The following RTEL1 variants were observed in gnomAD, a reference collection of about 807,000 sequenced individuals.
RTEL1 encodes regulator of telomere length.
Under a neutral mutation model 162.2 loss-of-function variants are expected in RTEL1, and 86 were observed. The observed-to-expected ratio is 0.53, with a 90% CI of 0.45 to 0.63. RTEL1 has a LOEUF of 0.63. Among genes scored for constraint, RTEL1 ranks in the 30% least tolerant of loss-of-function variants. RTEL1 has a pLI of 0.00. For missense variants in RTEL1, 1,941 were observed against 1,750.2 expected (o/e 1.11, Z -1.95); for synonymous variants, 958 against 717.9 (o/e 1.33, Z -5.35).
chr20:63,690,449 C>T lies in RTEL1; in HGVS notation c.2413+8C>T, dbSNP rs758975241. The T allele has an allele frequency of 3.9e-5, 32 of 821,346 alleles. No homozygotes were observed. The highest frequency in any genetic ancestry group is 2.7e-4 in the African/African-American group (15 of 54,772). The allele number at this position is 821,346 out of a possible 1,614,324, so 50.9% of individuals were successfully genotyped here. The stretch of plus-strand genomic sequence containing the variant: ...TGAAGCAGAGGTCCTCAGGTGCGGA[C>T]GGGCAGCGCTGGGTGGGCGGTGTGG... On this transcript the variant is annotated splice_region_variant and intron_variant, in intron 26 of 34. Coordinates refer to ENST00000360203, the MANE Select transcript of RTEL1 (RefSeq NM_001283009.2).
Position 63,690,306 on chromosome 20 carries a change from G to GC in RTEL1, c.2284dup (p.Arg762ProfsTer29). ...CATGGTTCTGCAGATGCCAGCGCCG[G>GC]CCCCCCGGGCTACAGCACCCAGTGT... On this transcript the variant is annotated frameshift_variant, in exon 26 of 35. Coordinates refer to ENST00000360203, the MANE Select transcript of RTEL1 (RefSeq NM_001283009.2). LOFTEE classifies it high-confidence loss of function. 6.2e-7 allele frequency: 1 copy of GC among 1,605,270 alleles called. No individual in the cohort carries two copies. The highest frequency in any genetic ancestry group is 8.5e-7 in the Non-Finnish European group (1 of 1,174,608).
chr20:63,688,787 C>A, intron 21 of RTEL1, 182 bp downstream of exon 21: 2 of 649,484 alleles, frequency 3.1e-6, no homozygotes, highest in African/African-American at 1.8e-5. Context: ...AAGCCCCCAG[C>A]ACCGGGTGGG....
At chr20:63,670,982 C>G (rs1377360696) in intron 8 of RTEL1, among the ~76,000 whole-genome samples, 1 of 152,180 alleles carries the variant, frequency 6.6e-6, no homozygotes, top group Non-Finnish European at 1.5e-5. Flanking sequence ...GGACTGTGGT[C>G]ACACAGCAGC....
At chr20:63,685,940 C>A in intron 16 of RTEL1, 68 bp downstream of exon 16, 1 of 1,459,796 alleles carries the variant, frequency 6.9e-7, no homozygotes, top group Non-Finnish European at 9.5e-7. Context: ...ATGCCACAGG[C>A]TAGGCACATG....
chr20:63,689,922 GC>G, intron 24 of RTEL1, 57 bp downstream of exon 24: 1 of 1,557,818 alleles, frequency 6.4e-7, no homozygotes. Flanking sequence ...ACCCCACTGG[GC>G]CCCTGGACTC....
chr20:63,693,056 G>C, intron 29 of RTEL1, 53 bp downstream of exon 29: 1 of 1,609,840 alleles, frequency 6.2e-7, no homozygotes, highest in South Asian at 1.1e-5. Flanking sequence ...GCCGCCGCGT[G>C]TGGGGTGGGG....
At chr20:63,670,760 A>T (rs6062485) in intron 8 of RTEL1, among the ~76,000 whole-genome samples, 38,080 of 150,976 alleles carry the variant, frequency 0.25, 5,388 homozygotes, top group South Asian at 0.36. Context: ...AGGCTGGGGG[A>T]TCGCTTAAGC....
chr20:63,658,401 A>G lies in RTEL1; in HGVS notation c.-236A>G, dbSNP rs915550940. On this transcript the variant is annotated 5_prime_UTR_variant, in exon 1 of 35. Transcript: ENST00000360203. ...AGCTGGGGACGGGTGGCGGCCCTCG[A>G]CTGGAGTCGGTTGAGTTCCTGAGGG... is the stretch of plus-strand genomic sequence containing the variant. 2.6e-5 allele frequency: 4 copies of G among 152,494 alleles called. No homozygotes were observed. The highest frequency in any genetic ancestry group is 7.2e-5 in the African/African-American group (3 of 41,466). The allele number at this position is 152,494 out of a possible 1,614,324, so 9.4% of individuals were successfully genotyped here.
chr20:63,690,759 C>G, intron 26 of RTEL1, 46 bp from the exon 27 acceptor site: 1 of 1,552,436 alleles, frequency 6.4e-7, no homozygotes. Context: ...GGGACCCCAG[C>G]TGGGGCCCCC....
In RTEL1 at chr20:63,692,801, G is replaced by A. The variant is rs570675905; in HGVS notation, c.2653-4G>A. On this transcript the variant is annotated splice_polypyrimidine_tract_variant and splice_region_variant and intron_variant, in intron 28 of 34. Coordinates refer to ENST00000360203, the MANE Select transcript of RTEL1 (RefSeq NM_001283009.2). The stretch of plus-strand genomic sequence containing the variant: ...TGATGGAGCCTCGGGCCTGTGTCCT[G>A]CAGGAGGAGCCCGTGGCTGGTGCAC... 6.2e-7 allele frequency: 1 copy of A among 1,609,320 alleles called. No individual in the cohort carries two copies. The highest frequency in any genetic ancestry group is 1.3e-5 in the African/African-American group (1 of 74,972).
chr20:63,682,411 T>A, intron 14 of RTEL1: 1 of 973,004 alleles, frequency 1.0e-6, no homozygotes, highest in Non-Finnish European at 1.2e-6. Flanking sequence ...CCTCCCAGCC[T>A]CCCACTTAAG....
chr20:63,690,298 C>T lies in RTEL1; in HGVS notation c.2270C>T (p.Pro757Leu), dbSNP rs2090704109. 1.9e-6 allele frequency: 3 copies of T among 1,605,008 alleles called. No individual in the cohort carries two copies. The highest frequency in any genetic ancestry group is 2.6e-6 in the Non-Finnish European group (3 of 1,174,214). ...CCCACCCCCATGGTTCTGCAGATGCCAGCGCCGGCCCCCCGGGCTACAGCA... is the reference window on the plus strand; with the variant it reads ...CCCACCCCCATGGTTCTGCAGATGCTAGCGCCGGCCCCCCGGGCTACAGCA... ...QFFRVAERTM[P>L]APAPRATAPS... is the part of the protein sequence containing the mutation. The change falls in exon 26 of 35, where the codon CCA (proline) becomes CTA (leucine). Residue 757 changes from proline (P) to leucine (L), a missense_variant. Pro to Leu is a moderately conservative substitution (Grantham distance 98, BLOSUM62 -3). Coordinates refer to ENST00000360203, the MANE Select transcript of RTEL1 (RefSeq NM_001283009.2).
intron 30 of RTEL1, 21 bp downstream of exon 30, chr20:63,693,304 G>A (rs766667128): frequency 1.9e-6 from 3 of 1,610,634 alleles, no homozygotes; most frequent in East Asian, 2.2e-5. Context: ...CCCCAGGTGG[G>A]ACCCTCAGAC....
intron 10 of RTEL1, among the ~76,000 whole-genome samples, chr20:63,675,845 C>A (rs532221198): frequency 6.6e-6 from 1 of 152,328 alleles, no homozygotes; most frequent in South Asian, 2.1e-4. Flanking sequence ...TGACAGGTCT[C>A]CTTCCCTCAT....
chr20:63,694,339 G>T, intron 30 of RTEL1, 33 bp from the exon 31 acceptor site: 1 of 1,291,206 alleles, frequency 7.7e-7, no homozygotes, highest in South Asian at 1.2e-5. Context: ...AGATGCTCTC[G>T]ACCAGCTTTG....
chr20:63,660,270 G>C (rs1365012294), intron 2 of RTEL1, among the ~76,000 whole-genome samples: 1 of 152,196 alleles, frequency 6.6e-6, no homozygotes, highest in Non-Finnish European at 1.5e-5. Flanking sequence ...CACGGGTGTT[G>C]GGCTGGGGGA....
At chr20:63,693,375 C>G in intron 30 of RTEL1, 92 bp downstream of exon 30, 20 of 1,480,658 alleles carry the variant, frequency 1.4e-5, no homozygotes, top group Non-Finnish European at 1.8e-5. Context: ...CATCCTCGGG[C>G]CCTGCTTGGC....
chr20:63,682,405 C>T (rs936328966), intron 14 of RTEL1: 33 of 985,662 alleles, frequency 3.3e-5, no homozygotes, highest in Non-Finnish European at 4.0e-5. Context: ...ACGCGGCCTC[C>T]CAGCCTCCCA....
intron 1 of RTEL1, 90 bp downstream of exon 1, chr20:63,658,556 C>T (rs1015256073): frequency 6.6e-6 from 1 of 152,300 alleles, no homozygotes; most frequent in Non-Finnish European, 1.5e-5. Flanking sequence ...CCCGGCAGGC[C>T]CCAAGCCGCC....
Sources: gnomAD v4.1 joint callset for allele counts (sites outside exome capture counted in the v4.1 genomes callset) on GRCh38, gnomAD v4.1.1 for gene constraint, MANE v1.5 for transcripts, NCBI Gene and HGNC (gene_info 2026-07-23, HGNC 2026-07-21) for gene names.